PM20D1: variants seen among roughly 807,000 people sequenced by gnomAD.
PM20D1 encodes the protein peptidase M20 domain containing 1.
Under a neutral mutation model 53.8 loss-of-function variants are expected in PM20D1, and 53 were observed. The ratio of observed to expected loss-of-function variants is 0.98; its 90% CI spans 0.79 to 1.24. PM20D1 has a LOEUF of 1.24. PM20D1 is among the 50% of genes most tolerant of loss of function. The pLI, the probability that PM20D1 is intolerant of heterozygous loss-of-function variation, is 0.00. For synonymous variants in PM20D1, 239 were observed against 241.3 expected (o/e 0.99, Z 0.09); for missense variants, 564 against 616.8 (o/e 0.91, Z 0.91).
chr1:205,831,667 G>A (rs1396334932), intron 11 of PM20D1, among the ~76,000 whole-genome samples: 2 of 150,956 alleles, frequency 1.3e-5, no homozygotes, highest in East Asian at 1.9e-4. Flanking sequence ...GGGTTCAAGC[G>A]ATTCTCCTGC....
In PM20D1 at chr1:205,850,000, A is replaced by C. The variant is rs775351084; in HGVS notation, c.73T>G (p.Ser25Ala). 2 of 1,614,106 alleles carry C rather than the reference A, an allele frequency of 1.2e-6. No homozygotes were observed. The highest frequency in any genetic ancestry group is 2.2e-5 in the East Asian group (1 of 44,878). The part of the protein sequence containing the change: ...LLLVFPTVSR[S>A]MGPRSGEHQR... ...TGCTCCCCGCTCCTCGGGCCCATCG[A>C]TCTGGAGACGGTAGGGAAAACTAGG... is the stretch of plus-strand genomic sequence containing the variant. The change falls in exon 1 of 13, where the codon TCG becomes GCG. Residue 25 changes from serine (S) to alanine (A), a missense_variant. Transcript: ENST00000367136.
chr1:205,830,780 G>T (rs1656540942), intron 11 of PM20D1, among the ~76,000 whole-genome samples: 1 of 141,318 alleles, frequency 7.1e-6, no homozygotes, highest in South Asian at 2.3e-4. Flanking sequence ...TCCCCATGAC[G>T]CCCAGGGTGG....
chr1:205,837,649 T>C (rs1280977284), intron 10 of PM20D1, among the ~76,000 whole-genome samples: 1 of 152,056 alleles, frequency 6.6e-6, no homozygotes. Flanking sequence ...CCCACAAGCT[T>C]TCTGAATATG....
chr1:205,843,861 C>T, intron 5 of PM20D1, 75 bp from the exon 6 acceptor site: 3 of 1,566,744 alleles, frequency 1.9e-6, no homozygotes, highest in South Asian at 1.2e-5. Flanking sequence ...ATAGGTCCAT[C>T]TGTGCAATAG....
rs564984918 is a variant in PM20D1 at position 205,840,568 on chromosome 1, A to G, written c.1045-245T>C. Among the ~76,000 whole-genome samples the G allele has an allele frequency of 2.0e-5, 3 of 152,366 alleles. No individual in the cohort carries two copies. The South Asian group carries it at 6.2e-4, about 32-fold the overall frequency. On this transcript the variant is annotated intron_variant, in intron 9 of 12. Coordinates refer to ENST00000367136, the MANE Select transcript of PM20D1 (RefSeq NM_152491.5). ...GCTTCTTGGTGCTGCAGGGGGTCAC[A>G]GAGATGTTCAGAGCAAGGCTGCTTT...
intron 9 of PM20D1, among the ~76,000 whole-genome samples, chr1:205,840,763 G>A (rs976327914): frequency 2.6e-5 from 4 of 152,206 alleles, no homozygotes; most frequent in South Asian, 2.1e-4. Context: ...GGCATAGCAC[G>A]GGGCTCACAT....
At chr1:205,843,966 C>T (rs1161163772) in intron 5 of PM20D1, 121 bp downstream of exon 5, 23 of 1,473,456 alleles carry the variant, frequency 1.6e-5, no homozygotes, top group African/African-American at 2.8e-5. Flanking sequence ...AAGATTGGGG[C>T]GATTAATGCG....
intron 11 of PM20D1, among the ~76,000 whole-genome samples, chr1:205,830,811 C>A (rs1304263499): frequency 6.6e-6 from 1 of 151,884 alleles, no homozygotes; most frequent in African/African-American, 2.4e-5. Context: ...CATTTCATAC[C>A]CAAGGCCATG....
chr1:205,843,992 G>T, intron 5 of PM20D1, 95 bp downstream of exon 5: 2 of 1,518,812 alleles, frequency 1.3e-6, no homozygotes, highest in Non-Finnish European at 1.8e-6. Context: ...TGTACACAAA[G>T]AGTTGTCTCA....
intron 2 of PM20D1, among the ~76,000 whole-genome samples, chr1:205,847,006 C>CTTTTT (rs778538865): frequency 1.3e-3 from 60 of 44,644 alleles, no homozygotes; most frequent in Non-Finnish European, 1.6e-3. Flanking sequence ...TCCTTCCTTT[C>CTTTTT]TTTTTTTTTT....
intron 11 of PM20D1, 57 bp from the exon 12 acceptor site, chr1:205,830,436 G>A (rs774316227): frequency 3.3e-5 from 42 of 1,284,514 alleles, no homozygotes; most frequent in Non-Finnish European, 4.5e-5. Context: ...AACCAGCGAA[G>A]TGGCTGGGGT....
chr1:205,828,842 G>T (rs558410218), intron 12 of PM20D1, 99 bp from the exon 13 acceptor site: 2 of 1,458,566 alleles, frequency 1.4e-6, no homozygotes, highest in Non-Finnish European at 1.9e-6. Flanking sequence ...TCACCAACCC[G>T]GAAACTACTG....
chr1:205,848,490 G>A (rs916073743), intron 1 of PM20D1, among the ~76,000 whole-genome samples: 4 of 152,092 alleles, frequency 2.6e-5, no homozygotes, highest in Non-Finnish European at 5.9e-5. Context: ...AGCTTTTTGG[G>A]CATATAATGC....
chr1:205,844,292 A>G, intron 4 of PM20D1, 75 bp from the exon 5 acceptor site: 4 of 1,459,596 alleles, frequency 2.7e-6, no homozygotes, highest in Middle Eastern at 1.9e-4. Context: ...ATGGGGACCT[A>G]TTCAGCCTAG....
intron 2 of PM20D1, among the ~76,000 whole-genome samples, chr1:205,846,385 C>CA (rs373894661): frequency 0.029 from 4,274 of 145,276 alleles, 216 homozygotes; most frequent in African/African-American, 0.1. Context: ...GACTCCAACT[C>CA]AAAAAAAAAA....
At chr1:205,848,000 T>C (rs1319547600) in intron 1 of PM20D1, 29 bp from the exon 2 acceptor site, 1 of 1,590,748 alleles carries the variant, frequency 6.3e-7, no homozygotes, top group Non-Finnish European at 8.6e-7. Context: ...GATGAAAGAT[T>C]GAAAATGAAT....
chr1:205,828,776 G>A, intron 12 of PM20D1, 33 bp from the exon 13 acceptor site: 1 of 1,612,542 alleles, frequency 6.2e-7, no homozygotes. Context: ...AGGGAAGGAG[G>A]GGAGGGCCAA....
intron 2 of PM20D1, among the ~76,000 whole-genome samples, 180 bp from the exon 3 acceptor site, chr1:205,845,737 C>A (rs1381640276): frequency 6.6e-6 from 1 of 152,164 alleles, no homozygotes; most frequent in Non-Finnish European, 1.5e-5. Flanking sequence ...CTTTGAAATT[C>A]GTCTTCCCCA....
At position 205,845,467 on chromosome 1, in the gene PM20D1, C is replaced by T. The variant is rs1558094745; in HGVS notation, c.347G>A (p.Ser116Asn). The T allele has an allele frequency of 1.1e-5, 17 of 1,614,198 alleles. No homozygotes were observed. Among genetic ancestry groups the T allele is most frequent in the Non-Finnish European group, 1.4e-5 (17 of 1,180,034 alleles). Residue 116 changes from serine (S) to asparagine (N), a missense_variant, in exon 3 of 13, where the codon AGC (serine) becomes AAC (asparagine). By Grantham distance (46) the Ser-to-Asn change is conservative. Transcript: ENST00000367136. Reference sequence around the variant, plus strand: ...AGCCATCAGCAGGTAGGGCTGCAAGCTGGGGTCCGAGCCTTGGATAGTGAA... The same window carrying T: ...AGCCATCAGCAGGTAGGGCTGCAAGTTGGGGTCCGAGCCTTGGATAGTGAA... The part of the protein sequence containing the change: ...HLFTIQGSDP[S>N]LQPYLLMAHF...
Sources: allele counts gnomAD v4.1 joint callset (sites outside exome capture counted in the v4.1 genomes callset), GRCh38; gene constraint gnomAD v4.1.1; transcripts MANE v1.5; gene names NCBI Gene and HGNC (gene_info 2026-07-23, HGNC 2026-07-21).